TMEM40: variants seen among roughly 807,000 people sequenced by gnomAD.
TMEM40 encodes transmembrane protein 40.
TMEM40 carries 34 observed loss-of-function variants against 40.8 expected under a neutral mutation model. That is an observed-to-expected ratio of 0.83 (90% CI 0.63 to 1.11). The LOEUF is 1.11. Ranked by LOEUF, TMEM40 falls within the 50% of genes least tolerant of loss-of-function variation. The probability of loss-of-function intolerance (pLI) is 0.00; values close to 1 mark genes in which losing one functional copy is unlikely to be tolerated. For synonymous variants in TMEM40, 106 were observed against 107.0 expected, an observed-to-expected ratio of 0.99 and a Z score of 0.06; for missense variants, 296 against 280.2, an observed-to-expected ratio of 1.06 and a Z score of -0.40.
At chr3:12,737,979 C>T in intron 7 of TMEM40, 157 bp downstream of exon 7, 1 of 1,066,688 alleles carries the variant, frequency 9.4e-7, no homozygotes. Context: ...TTTCCATTTC[C>T]CCTGCACTGG....
intron 4 of TMEM40, among the ~76,000 whole-genome samples, chr3:12,743,076 G>T (rs566662384): frequency 1.3e-5 from 2 of 152,292 alleles, no homozygotes; most frequent in East Asian, 3.9e-4. Flanking sequence ...GGCAGGTTCT[G>T]TACTATACAA....
At chr3:12,754,869 G>A (rs1028391551) in intron 1 of TMEM40, among the ~76,000 whole-genome samples, 1 of 152,112 alleles carries the variant, frequency 6.6e-6, no homozygotes, top group Non-Finnish European at 1.5e-5. Flanking sequence ...GAGCTCAGAA[G>A]GAAAGGTCAG....
intron 6 of TMEM40, 84 bp from the exon 7 acceptor site, chr3:12,738,252 G>T: frequency 2.0e-6 from 3 of 1,490,182 alleles, no homozygotes; most frequent in South Asian, 2.3e-5. Context: ...GGCTATAGGT[G>T]ACCTAAAAAA....
intron 3 of TMEM40, among the ~76,000 whole-genome samples, chr3:12,744,804 A>C (rs2061414128): frequency 6.6e-6 from 1 of 152,208 alleles, no homozygotes; most frequent in African/African-American, 2.4e-5. Flanking sequence ...CAATTTAAAA[A>C]ATTCCAGGAA....
intron 1 of TMEM40, among the ~76,000 whole-genome samples, chr3:12,755,225 C>CTTTCTTTCTTTCTT (rs59066900): frequency 3.8e-5 from 3 of 78,950 alleles, no homozygotes; most frequent in African/African-American, 1.9e-4. Context: ...CTCTCTCTCT[C>CTTTCTTTCTTTCTT]TCTCTCTCTC....
chr3:12,746,750 C>G (rs1464843501), intron 3 of TMEM40, among the ~76,000 whole-genome samples: 2 of 152,184 alleles, frequency 1.3e-5, no homozygotes, highest in South Asian at 4.1e-4. Context: ...TTTCTCTTAG[C>G]GCTCCATTTG....
At chr3:12,736,430 G>T (rs149745807) in intron 10 of TMEM40, 148 bp downstream of exon 10, 2 of 918,338 alleles carry the variant, frequency 2.2e-6, no homozygotes, top group South Asian at 3.3e-5. Flanking sequence ...GATTACAGGC[G>T]TAAGCCACCG....
chr3:12,744,106 A>G, intron 3 of TMEM40, 117 bp from the exon 4 acceptor site: 2 of 1,031,228 alleles, frequency 1.9e-6, no homozygotes, highest in Non-Finnish European at 2.8e-6. Flanking sequence ...GTTTGGTGGG[A>G]GGAACTCTGA....
intron 5 of TMEM40, among the ~76,000 whole-genome samples, chr3:12,741,008 G>C (rs571807529): frequency 6.6e-6 from 1 of 152,228 alleles, no homozygotes; most frequent in African/African-American, 2.4e-5. Context: ...GACACCTGCT[G>C]CCTTTTACCC....
At chr3:12,741,960 G>A (rs1401424249) in intron 5 of TMEM40, among the ~76,000 whole-genome samples, 3 of 151,904 alleles carry the variant, frequency 2.0e-5, no homozygotes, top group African/African-American at 7.3e-5. Context: ...GGCCGGGCGC[G>A]GTGGCTCACG....
chr3:12,753,530 C>T (rs1276309381), intron 1 of TMEM40, among the ~76,000 whole-genome samples: 1 of 152,036 alleles, frequency 6.6e-6, no homozygotes, highest in Non-Finnish European at 1.5e-5. Context: ...GGCCTCCACA[C>T]AGGTCTTATT....
chr3:12,765,553 G>A (rs1433797988), intron 1 of TMEM40, among the ~76,000 whole-genome samples: 1 of 149,644 alleles, frequency 6.7e-6, no homozygotes, highest in African/African-American at 2.5e-5. Context: ...AAAGAAAAAT[G>A]GCTGTTTGAT....
At chr3:12,768,172 G>A (rs1436827381) in intron 1 of TMEM40, among the ~76,000 whole-genome samples, 3 of 152,094 alleles carry the variant, frequency 2.0e-5, no homozygotes, top group African/African-American at 7.2e-5. Flanking sequence ...CTCTTAAGGC[G>A]ACGCGTCTGG....
rs201898990 is a variant in TMEM40, at chr3:12,738,140, T to G, written c.420A>C (p.Ala140=). 1.4e-5 allele frequency: 22 copies of G among 1,614,000 alleles called. No individual in the cohort carries two copies. In the East Asian group the frequency reaches 4.9e-4, roughly 36 times the overall value. ...TATTTGAGCTTGTGTATTTACCACT[T>G]GCTGGGTCAGAGCCTCTCCTTCGGA... The part of the protein sequence containing the change: ...SGLRRRGSDP[A]SGEVEASQLR... Residue 140 remains alanine (A), a synonymous_variant, in exon 7 of 12, where the codon GCA becomes GCC. Coordinates refer to ENST00000314124, the MANE Select transcript of TMEM40 (RefSeq NM_018306.4).
intron 1 of TMEM40, among the ~76,000 whole-genome samples, chr3:12,755,237 T>TC (rs1559533397): frequency 5.8e-4 from 27 of 46,582 alleles, no homozygotes; most frequent in Non-Finnish European, 7.6e-4. Context: ...CTCTCTCTCT[T>TC]TCTTTCTTTC....
At chr3:12,763,619 T>C (rs1234363490), upstream of TMEM40, among the ~76,000 whole-genome samples, 1 of 152,154 alleles carries the variant, frequency 6.6e-6, no homozygotes. Flanking sequence ...GCATGGGTGT[T>C]CTGGAGACAA....
exon 1 of TMEM40, chr3:12,769,277 C>T (rs1366911351): frequency 4.8e-6 from 2 of 412,842 alleles, no homozygotes; most frequent in East Asian, 8.4e-5. Context: ...GGAGCCGGCT[C>T]CGGCCTCGGC....
upstream of TMEM40, among the ~76,000 whole-genome samples, chr3:12,760,294 A>G (rs370007336): frequency 1.7e-3 from 263 of 152,212 alleles, 1 homozygote; most frequent in African/African-American, 5.8e-3. Flanking sequence ...CCCGCTCAGC[A>G]GCTGCCACAC....
upstream of TMEM40, among the ~76,000 whole-genome samples, chr3:12,761,617 A>G (rs2061569048): frequency 6.8e-6 from 1 of 146,816 alleles, no homozygotes; most frequent in African/African-American, 2.6e-5. Flanking sequence ...AAAAAAAAAG[A>G]AAAAGAAAAG....
Sources: allele counts gnomAD v4.1 joint callset (sites outside exome capture counted in the v4.1 genomes callset), GRCh38; gene constraint gnomAD v4.1.1; transcripts MANE v1.5; gene names NCBI Gene and HGNC (gene_info 2026-07-23, HGNC 2026-07-21).